The following IQCM variants were observed in gnomAD, a reference collection of about 807,000 sequenced individuals.
The protein encoded by IQCM is IQ domain-containing protein M.
In IQCM, 45 loss-of-function variants were observed where a neutral mutation model predicts 57.6. That is an observed-to-expected ratio of 0.78 (90% CI 0.62 to 1.00). The LOEUF (loss-of-function observed/expected upper bound fraction) is 1.00, where lower values mean the gene tolerates loss of function less well. Among genes scored for constraint, IQCM ranks in the 50% least tolerant of loss-of-function variants. IQCM has a pLI of 0.00. For missense variants in IQCM, 468 were observed against 511.6 expected, an observed-to-expected ratio of 0.91 and a Z score of 0.82; for synonymous variants, 148 against 158.9, an observed-to-expected ratio of 0.93 and a Z score of 0.51.
At chr4:149,550,908 CTA>C (rs1400818112) in intron 11 of IQCM, among the ~76,000 whole-genome samples, 1 of 152,158 alleles carries the variant, frequency 6.6e-6, no homozygotes, top group African/African-American at 2.4e-5. Flanking sequence ...TGTTCAGCTC[CTA>C]TGTTGGACAG....
At chr4:149,745,992 A>C (rs1433575336) in intron 2 of IQCM, among the ~76,000 whole-genome samples, 1 of 151,538 alleles carries the variant, frequency 6.6e-6, no homozygotes, top group Non-Finnish European at 1.5e-5. Context: ...AAAAGACAAG[A>C]CAAGCCAAGG....
At chr4:149,700,696 G>A (rs760191987) in intron 5 of IQCM, among the ~76,000 whole-genome samples, 8 of 151,924 alleles carry the variant, frequency 5.3e-5, no homozygotes, top group Non-Finnish European at 7.4e-5. Context: ...CTGCCTGACC[G>A]CTTGCCTTGG....
chr4:149,418,866 C>T (rs1224122448), intron 13 of IQCM, among the ~76,000 whole-genome samples: 2 of 152,016 alleles, frequency 1.3e-5, no homozygotes, highest in Non-Finnish European at 2.9e-5. Flanking sequence ...AGCAGAGAAA[C>T]CAACCATGGA....
intron 2 of IQCM, among the ~76,000 whole-genome samples, chr4:149,743,103 G>T (rs988399088): frequency 1.3e-5 from 2 of 152,132 alleles, no homozygotes; most frequent in African/African-American, 4.8e-5. Flanking sequence ...TTGGGCTCAA[G>T]ACCCTATGCA....
At chr4:149,474,452 T>C (rs1278680685) in intron 12 of IQCM, among the ~76,000 whole-genome samples, 1 of 151,234 alleles carries the variant, frequency 6.6e-6, no homozygotes, top group East Asian at 2.0e-4. Context: ...CTCACACCTG[T>C]AATCCCAGCA....
intron 12 of IQCM, among the ~76,000 whole-genome samples, chr4:149,471,146 C>G (rs1343700491): frequency 3.3e-5 from 5 of 151,918 alleles, no homozygotes; most frequent in Non-Finnish European, 7.4e-5. Context: ...GATAGAGACC[C>G]AAAAAACCCT....
At chr4:149,662,520 T>C (rs1482031764) in intron 7 of IQCM, among the ~76,000 whole-genome samples, 5 of 151,970 alleles carry the variant, frequency 3.3e-5, no homozygotes, top group African/African-American at 1.2e-4. Context: ...GTTAAAGTGC[T>C]CTACTAATTT....
At chr4:149,435,818 T>C (rs937552914) in intron 12 of IQCM, among the ~76,000 whole-genome samples, 4 of 151,980 alleles carry the variant, frequency 2.6e-5, no homozygotes, top group African/African-American at 9.7e-5. Flanking sequence ...TATAAACAAA[T>C]CCTAAAATAG....
chr4:149,463,583 T>A (rs983077833), intron 12 of IQCM, among the ~76,000 whole-genome samples: 1 of 152,184 alleles, frequency 6.6e-6, no homozygotes, highest in Non-Finnish European at 1.5e-5. Flanking sequence ...TCTGAATCCC[T>A]GAGGAATGGG....
At chr4:149,413,643 C>T (rs548416493) in intron 13 of IQCM, among the ~76,000 whole-genome samples, 4 of 152,060 alleles carry the variant, frequency 2.6e-5, no homozygotes, top group Non-Finnish European at 4.4e-5. Context: ...TTACAGAGTT[C>T]GATTTGGGCT....
intron 5 of IQCM, among the ~76,000 whole-genome samples, chr4:149,714,330 A>G (rs1764813626): frequency 6.6e-6 from 1 of 152,122 alleles, no homozygotes; most frequent in Non-Finnish European, 1.5e-5. Context: ...TCCACAGCTT[A>G]CTACTCAGAC....
intron 3 of IQCM, among the ~76,000 whole-genome samples, chr4:149,742,022 C>T (rs1767503180): frequency 2.0e-5 from 3 of 151,814 alleles, no homozygotes; most frequent in Admixed American, 6.6e-5. Flanking sequence ...TTAAATTTTT[C>T]TGGTAGACAT....
intron 12 of IQCM, among the ~76,000 whole-genome samples, chr4:149,519,996 C>T (rs1230375580): frequency 6.6e-6 from 1 of 151,974 alleles, no homozygotes; most frequent in East Asian, 1.9e-4. Flanking sequence ...CACAGCGAGA[C>T]TCTGTCTCAA....
At chr4:149,385,589 T>C (rs1331520213) in intron 13 of IQCM, among the ~76,000 whole-genome samples, 1 of 152,124 alleles carries the variant, frequency 6.6e-6, no homozygotes, top group Non-Finnish European at 1.5e-5. Context: ...ACTGATTTAC[T>C]TGACAAATCT....
chr4:149,783,254 A>G (rs748300795), intron 2 of IQCM, among the ~76,000 whole-genome samples: 31 of 152,188 alleles, frequency 2.0e-4, no homozygotes, highest in Admixed American at 3.3e-4. Context: ...GTAAATGTCA[A>G]TTCATTTCTT....
chr4:149,397,687 C>A (rs1732325688), intron 13 of IQCM, among the ~76,000 whole-genome samples: 1 of 151,976 alleles, frequency 6.6e-6, no homozygotes. Context: ...TGGACTAATA[C>A]AACAATTTTT....
intron 12 of IQCM, among the ~76,000 whole-genome samples, chr4:149,520,584 A>C (rs1745531185): frequency 6.6e-6 from 1 of 152,168 alleles, no homozygotes; most frequent in African/African-American, 2.4e-5. Context: ...ACAGTGAATA[A>C]AGTTAAAATG....
chr4:149,686,125 T>C (rs1762530715), intron 6 of IQCM, among the ~76,000 whole-genome samples: 2 of 151,498 alleles, frequency 1.3e-5, no homozygotes, highest in African/African-American at 4.8e-5. Context: ...ACAAATTGGA[T>C]TCAAGCTTAT....
At chr4:149,621,843 T>A (rs1399928478) in intron 7 of IQCM, among the ~76,000 whole-genome samples, 3 of 152,168 alleles carry the variant, frequency 2.0e-5, no homozygotes, top group Non-Finnish European at 4.4e-5. Flanking sequence ...AAGATTTATT[T>A]GTCCATTTTT....
Sources: gnomAD v4.1 joint callset for allele counts (sites outside exome capture counted in the v4.1 genomes callset) on GRCh38, gnomAD v4.1.1 for gene constraint, MANE v1.5 for transcripts, NCBI Gene and HGNC (gene_info 2026-07-23, HGNC 2026-07-21) for gene names.